The following WDR72 variants were observed in gnomAD, a reference collection of about 807,000 sequenced individuals.
The protein encoded by WDR72 is WD repeat domain 72, also known as WD repeat-containing protein 72.
Under a neutral mutation model 124.2 loss-of-function variants are expected in WDR72, and 120 were observed. The ratio of observed to expected loss-of-function variants is 0.97; its 90% CI spans 0.83 to 1.12. The LOEUF is 1.12. Ranked by LOEUF, WDR72 falls within the 50% of genes most tolerant of loss-of-function variation. WDR72 has a pLI of 0.00. For synonymous variants in WDR72, 452 were observed against 441.7 expected (o/e 1.02, Z -0.29); for missense variants, 1,387 against 1,278.8 (o/e 1.08, Z -1.29).
At chr15:53,623,528 T>C (rs534325619) in intron 14 of WDR72, among the ~76,000 whole-genome samples, 14 of 152,094 alleles carry the variant, frequency 9.2e-5, no homozygotes, top group African/African-American at 3.1e-4. Context: ...CACACACATA[T>C]ATATCACACT....
intron 13 of WDR72, among the ~76,000 whole-genome samples, chr15:53,681,183 A>G (rs1049635850): frequency 4.6e-5 from 7 of 152,194 alleles, no homozygotes; most frequent in Non-Finnish European, 8.8e-5. Context: ...ACTTTCCCAG[A>G]GAATAACAAT....
intron 16 of WDR72, among the ~76,000 whole-genome samples, chr15:53,611,069 G>C (rs2013520198): frequency 6.6e-6 from 1 of 152,110 alleles, no homozygotes; most frequent in African/African-American, 2.4e-5. Context: ...AAAGATAAAA[G>C]AAAGTATCCC....
chr15:53,761,182 A>C (rs569290955), upstream of WDR72, among the ~76,000 whole-genome samples: 1 of 152,326 alleles, frequency 6.6e-6, no homozygotes, highest in African/African-American at 2.4e-5. Flanking sequence ...TTTTCGAAAG[A>C]AGGCATACAA....
At chr15:53,558,936 GC>G (rs924105155) in intron 18 of WDR72, among the ~76,000 whole-genome samples, 1 of 151,836 alleles carries the variant, frequency 6.6e-6, no homozygotes, top group African/African-American at 2.4e-5. Flanking sequence ...CTATTTCTTA[GC>G]TTATTCCAGG....
chr15:53,629,715 G>A (rs991378030), intron 14 of WDR72, among the ~76,000 whole-genome samples: 1 of 152,118 alleles, frequency 6.6e-6, no homozygotes, highest in Non-Finnish European at 1.5e-5. Flanking sequence ...TAAAAACAGT[G>A]AGTGTCCTAG....
chr15:53,652,492 T>C (rs1042616044), intron 14 of WDR72, among the ~76,000 whole-genome samples: 1 of 152,170 alleles, frequency 6.6e-6, no homozygotes, highest in East Asian at 1.9e-4. Context: ...AGTCTTTGCA[T>C]CTGGGAAATG....
At chr15:53,669,013 GA>G in intron 13 of WDR72, among the ~76,000 whole-genome samples, 1 of 135,670 alleles carries the variant, frequency 7.4e-6, no homozygotes, top group Non-Finnish European at 1.6e-5. Flanking sequence ...GAAGGAGAAG[GA>G]GAAAAGAAGA....
At chr15:53,561,487 C>G (rs1446752899) in intron 18 of WDR72, among the ~76,000 whole-genome samples, 1 of 151,744 alleles carries the variant, frequency 6.6e-6, no homozygotes, top group African/African-American at 2.4e-5. Flanking sequence ...TTGCTGCATT[C>G]TGGTTCTATT....
chr15:53,537,450 T>C (rs572312973), intron 18 of WDR72, among the ~76,000 whole-genome samples: 2 of 152,328 alleles, frequency 1.3e-5, no homozygotes, highest in South Asian at 2.1e-4. Context: ...TTTATTGATA[T>C]GGAAATGTAT....
At chr15:53,670,451 C>T (rs2015946196) in intron 13 of WDR72, among the ~76,000 whole-genome samples, 1 of 152,172 alleles carries the variant, frequency 6.6e-6, no homozygotes, top group Admixed American at 6.5e-5. Context: ...CCACAGCATA[C>T]CTAATCAACT....
At chr15:53,638,401 T>C (rs1443248211) in intron 14 of WDR72, among the ~76,000 whole-genome samples, 1 of 152,090 alleles carries the variant, frequency 6.6e-6, no homozygotes, top group African/African-American at 2.4e-5. Flanking sequence ...TACCCTGGAA[T>C]AGAAAAACGA....
At chr15:53,586,118 T>C (rs2012199935) in intron 18 of WDR72, among the ~76,000 whole-genome samples, 1 of 152,016 alleles carries the variant, frequency 6.6e-6, no homozygotes, top group Non-Finnish European at 1.5e-5. Context: ...TTCAAGTACA[T>C]AGCTTGGGAA....
At chr15:53,677,113 G>C (rs185845090) in intron 13 of WDR72, among the ~76,000 whole-genome samples, 1 of 151,790 alleles carries the variant, frequency 6.6e-6, no homozygotes, top group Admixed American at 6.6e-5. Flanking sequence ...GTAGAGACGG[G>C]GTTTCACTGT....
At chr15:53,675,874 T>C (rs1372058667) in intron 13 of WDR72, among the ~76,000 whole-genome samples, 1 of 152,146 alleles carries the variant, frequency 6.6e-6, no homozygotes, top group Non-Finnish European at 1.5e-5. Flanking sequence ...TTTTGGTTAT[T>C]TTTTTGGAGA....
intron 13 of WDR72, among the ~76,000 whole-genome samples, chr15:53,676,251 T>G (rs1174680479): frequency 6.6e-6 from 1 of 152,212 alleles, no homozygotes; most frequent in Non-Finnish European, 1.5e-5. Flanking sequence ...ACAGTCATCC[T>G]TATGTGATTC....
intron 14 of WDR72, among the ~76,000 whole-genome samples, chr15:53,644,214 C>G (rs1362078461): frequency 1.3e-5 from 2 of 151,876 alleles, no homozygotes; most frequent in African/African-American, 2.4e-5. Flanking sequence ...CTCCCATATA[C>G]GACCGGAAAT....
chr15:53,524,968 T>C (rs1892026590), intron 18 of WDR72, among the ~76,000 whole-genome samples: 1 of 152,046 alleles, frequency 6.6e-6, no homozygotes, highest in South Asian at 2.1e-4. Flanking sequence ...GTGCTTTCAA[T>C]TATCTTTTCA....
At chr15:53,759,512 T>TC (rs2019011709) in intron 1 of WDR72, 121 bp downstream of exon 1, 1 of 152,168 alleles carries the variant, frequency 6.6e-6, no homozygotes, top group Non-Finnish European at 1.5e-5. Flanking sequence ...GCGCGGGCCG[T>TC]CCCCTCCTGC....
intron 18 of WDR72, among the ~76,000 whole-genome samples, chr15:53,540,274 ACT>A (rs1005630898): frequency 1.1e-4 from 17 of 152,264 alleles, no homozygotes; most frequent in Admixed American, 6.5e-4. Context: ...TAATAATCAA[ACT>A]CTAATGCCAA....
Sources: gnomAD v4.1 joint callset for allele counts (sites outside exome capture counted in the v4.1 genomes callset) on GRCh38, gnomAD v4.1.1 for gene constraint, MANE v1.5 for transcripts, NCBI Gene and HGNC (gene_info 2026-07-23, HGNC 2026-07-21) for gene names.